The following DHX8 variants were observed in gnomAD, a reference collection of about 807,000 sequenced individuals.
The protein encoded by DHX8 is ATP-dependent RNA helicase DHX8.
In DHX8, 67 loss-of-function variants were observed where a neutral mutation model predicts 140.7. The ratio of observed to expected loss-of-function variants is 0.48; its 90% CI spans 0.39 to 0.58. DHX8 has a LOEUF of 0.58. Among genes scored for constraint, DHX8 ranks in the 20% least tolerant of loss-of-function variants. DHX8 has a pLI of 0.00. For synonymous variants in DHX8, 533 were observed against 553.2 expected, an observed-to-expected ratio of 0.96 and a Z score of 0.51; for missense variants, 887 against 1,550.7, an observed-to-expected ratio of 0.57 and a Z score of 7.19.
At chr17:43,535,030 G>T (rs753096798) in intron 2 of DHX8, among the ~76,000 whole-genome samples, 40 of 152,302 alleles carry the variant, frequency 2.6e-4, no homozygotes, top group Admixed American at 4.6e-4. Context: ...TTATACACAT[G>T]CTCCTACTTA....
intron 3 of DHX8, among the ~76,000 whole-genome samples, chr17:43,538,170 G>A (rs552011287): frequency 1.2e-3 from 180 of 151,126 alleles, no homozygotes; most frequent in Non-Finnish European, 1.7e-3. Context: ...TTAGCTGGAC[G>A]TGGTGGCACG....
At chr17:43,519,233 TC>T (rs1209623938) in intron 18 of DHX8, 1 of 152,240 alleles carries the variant, frequency 6.6e-6, no homozygotes, top group African/African-American at 2.4e-5. Flanking sequence ...GCATGAGGTT[TC>T]TGATACCTCC....
chr17:43,486,408 G>A (rs1258012564), intron 1 of DHX8, among the ~76,000 whole-genome samples: 4 of 152,066 alleles, frequency 2.6e-5, no homozygotes, highest in Non-Finnish European at 5.9e-5. Context: ...TAGAGTTTCC[G>A]ATGAAAACTG....
At chr17:43,513,709 C>CTTTTTTTTTTTTT (rs34829204) in intron 17 of DHX8, among the ~76,000 whole-genome samples, 2 of 105,966 alleles carry the variant, frequency 1.9e-5, no homozygotes, top group African/African-American at 7.4e-5. Context: ...AGTTTTTAAT[C>CTTTTTTTTTTTTT]TTTTTTTTTT....
At chr17:43,539,226 G>A (rs1482397041) in intron 3 of DHX8, among the ~76,000 whole-genome samples, 1 of 152,102 alleles carries the variant, frequency 6.6e-6, no homozygotes, top group Non-Finnish European at 1.5e-5. Flanking sequence ...GCCTCTCCTT[G>A]CCTGTGAATC....
chr17:43,534,568 C>T (rs543881953), intron 2 of DHX8, among the ~76,000 whole-genome samples: 40 of 152,318 alleles, frequency 2.6e-4, no homozygotes, highest in Middle Eastern at 3.4e-3. Context: ...TGAGCACCTC[C>T]AACCTAGGGC....
At chr17:43,523,490 G>C (rs1190364578) in intron 22 of DHX8, 138 bp from the exon 23 acceptor site, 51 of 1,357,182 alleles carry the variant, frequency 3.8e-5, no homozygotes, top group Non-Finnish European at 5.0e-5. Context: ...GTCATAAACA[G>C]ACTGCAGTCT....
intron 3 of DHX8, 28 bp from the exon 4 acceptor site, chr17:43,491,137 A>C: frequency 8.8e-7 from 1 of 1,132,514 alleles, no homozygotes. Flanking sequence ...TCTTTTTTTA[A>C]CCCCTTCATG....
In DHX8 at chr17:43,486,517, ATAAAT is replaced by A. The variant is rs71361528; in HGVS notation, c.148+2336_148+2340del. Among the ~76,000 whole-genome samples, 1,200 of 152,276 alleles carry A rather than the reference ATAAAT, an allele frequency of 7.9e-3. 23 individuals carry two copies. Among genetic ancestry groups the A allele is most frequent in the African/African-American group, 0.028 (1,162 of 41,550 alleles). ...TTTCACCAATGAATTTTTTTAAACT[ATAAAT>A]TAATTTTTTATAATGGATTCAGTTA... On this transcript the variant is annotated intron_variant, in intron 1 of 22. Transcript: ENST00000262415.
rs1001408644 is a variant in DHX8 at position 43,525,181 on chromosome 17, G to T, written c.*1334G>T. Reference sequence around the variant, plus strand: ...TACGGAAAGCTGGTCTGGATGTAGTGCTTGTAGAGAAGCTTCTGAGAGATT... The same window carrying T: ...TACGGAAAGCTGGTCTGGATGTAGTTCTTGTAGAGAAGCTTCTGAGAGATT... On this transcript the variant is annotated 3_prime_UTR_variant, in exon 23 of 23. Transcript: ENST00000262415. The T allele has an allele frequency of 4.1e-6, 4 of 985,350 alleles. No individual in the cohort carries two copies. In the African/African-American group the frequency reaches 5.2e-5, roughly 13 times the overall value. The allele number at this position is 985,350 out of a possible 1,614,324, so 61.0% of individuals were successfully genotyped here. A position where few individuals can be genotyped will look rare whatever the true frequency, so the allele number is the denominator to read the frequency against.
At position 43,532,880 on chromosome 17, in the gene DHX8, C is replaced by T. The variant is rs779286178; in HGVS notation, c.351-3532C>T. The T allele has an allele frequency of 3.8e-5, 61 of 1,603,926 alleles. No individual in the cohort carries two copies. Among genetic ancestry groups the T allele is most frequent in the East Asian group, 9.0e-5 (4 of 44,490 alleles). ...TTGGTAGGGGGCTGGGAGGGGTTCC[C>T]GGCCCCCTCCCTGAGATGTGAAGGA... is the stretch of plus-strand genomic sequence containing the variant. On this transcript the variant is annotated intron_variant, in intron 2 of 3. Transcript: ENST00000589898.
intron 17 of DHX8, among the ~76,000 whole-genome samples, chr17:43,516,182 T>A (rs1295757381): frequency 2.0e-5 from 3 of 152,172 alleles, no homozygotes; most frequent in African/African-American, 7.2e-5. Flanking sequence ...TTTTTGAGTA[T>A]TTAATTTTCC....
chr17:43,522,155 C>T lies in DHX8; in HGVS notation c.3372C>T (p.Tyr1124=), dbSNP rs373323806. 6 of 1,613,976 alleles carry T rather than the reference C, an allele frequency of 3.7e-6. No individual in the cohort carries two copies. In the African/African-American group the frequency reaches 5.3e-5, roughly 14 times the overall value. The change falls in exon 22 of 23, where the codon TAC becomes TAT. Residue 1124 remains tyrosine, a synonymous_variant. Coordinates refer to ENST00000262415, the MANE Select transcript of DHX8 (RefSeq NM_004941.3). Reference sequence around the variant, plus strand: ...CCAAGAAAGACCCGCAGGAGGGTTACCGGACACTGATCGACCAGCAGGTGG... The same window carrying T: ...CCAAGAAAGACCCGCAGGAGGGTTATCGGACACTGATCGACCAGCAGGTGG... ...NAAKKDPQEG[Y]RTLIDQQVVY...
At chr17:43,515,066 C>A (rs910676387) in intron 17 of DHX8, among the ~76,000 whole-genome samples, 2 of 151,976 alleles carry the variant, frequency 1.3e-5, no homozygotes, top group Non-Finnish European at 1.5e-5. Context: ...TGTGCATTTT[C>A]TTTTATACTT....
intron 20 of DHX8, among the ~76,000 whole-genome samples, chr17:43,521,091 C>T (rs918576747): frequency 3.3e-5 from 5 of 150,544 alleles, no homozygotes; most frequent in Non-Finnish European, 5.9e-5. Context: ...GCCTCCAGAG[C>T]AGCTGGGATT....
Position 43,506,997 on chromosome 17 carries a change from T to C in DHX8, c.1729-6T>C. 2 of 1,577,052 alleles carry C rather than the reference T, an allele frequency of 1.3e-6. No homozygotes were observed. Among genetic ancestry groups the C allele is most frequent in the African/African-American group, 2.7e-5 (2 of 73,730 alleles). On this transcript the variant is annotated splice_region_variant and splice_polypyrimidine_tract_variant and intron_variant, in intron 12 of 22. Transcript: ENST00000262415. ...AATGACCATATTTATATTCTGTTGC[T>C]TTCAGGCCGTCCATGACAATCAGAT...
In DHX8 at chr17:43,493,782, C is replaced by T; in HGVS notation, c.1108C>T (p.Pro370Ser). 6.2e-7 allele frequency: 1 copy of T among 1,614,182 alleles called. No individual in the cohort carries two copies. Among genetic ancestry groups the T allele is most frequent in the Non-Finnish European group, 8.5e-7 (1 of 1,180,044 alleles). The change falls in exon 8 of 23, where the codon CCC (proline) becomes TCC (serine). Residue 370 changes from proline to serine, a missense_variant. Coordinates refer to ENST00000262415, the MANE Select transcript of DHX8 (RefSeq NM_004941.3). ...EETSMRNPDR[P>S]THLSLVSAPE... The stretch of plus-strand genomic sequence containing the variant: ...GACCTCAATGCGGAATCCTGATAGA[C>T]CCACTCACTTGTCCCTTGTCAGTGC...
chr17:43,536,242 C>G (rs1340222719), intron 2 of DHX8: 1 of 659,614 alleles, frequency 1.5e-6, no homozygotes, highest in Non-Finnish European at 2.7e-6. Context: ...GGTCACACAG[C>G]AAGAACATGT....
intron 8 of DHX8, among the ~76,000 whole-genome samples, chr17:43,494,957 G>A (rs1304614885): frequency 6.7e-6 from 1 of 150,126 alleles, no homozygotes; most frequent in Non-Finnish European, 1.5e-5. Flanking sequence ...GATTACAGGC[G>A]CCCACCACCA....
Sources: allele counts gnomAD v4.1 joint callset (sites outside exome capture counted in the v4.1 genomes callset), GRCh38; gene constraint gnomAD v4.1.1; transcripts MANE v1.5; gene names NCBI Gene and HGNC (gene_info 2026-07-23, HGNC 2026-07-21).